The following RBFOX1 variants were observed in gnomAD, a reference collection of about 807,000 sequenced individuals.
RBFOX1 encodes the protein RNA binding protein fox-1 homolog 1.
RBFOX1 carries 8 observed loss-of-function variants against 57.7 expected under a neutral mutation model. The observed-to-expected ratio is 0.14, with a 90% CI of 0.08 to 0.25. The LOEUF is 0.25. RBFOX1 is among the 10% of genes least tolerant of loss of function. The pLI is 1.00. For synonymous variants in RBFOX1, 326 were observed against 222.4 expected (o/e 1.47, Z -4.15); for missense variants, 611 against 548.5 (o/e 1.11, Z -1.14).
chr16:6,855,853 C>T (rs4131914), intron 3 of RBFOX1, among the ~76,000 whole-genome samples: 2,740 of 148,816 alleles, frequency 0.018, 102 homozygotes, highest in African/African-American at 0.065. Context: ...CTCTTTCCCT[C>T]CCTTCCTTTC....
intron 4 of RBFOX1, among the ~76,000 whole-genome samples, chr16:7,337,065 A>C (rs1014972056): frequency 1.3e-5 from 2 of 152,166 alleles, no homozygotes; most frequent in Non-Finnish European, 2.9e-5. Context: ...GGTGACTCCA[A>C]CGGGTCTTAG....
At chr16:7,060,311 A>T (rs1424869839) in intron 4 of RBFOX1, among the ~76,000 whole-genome samples, 1 of 152,198 alleles carries the variant, frequency 6.6e-6, no homozygotes, top group Non-Finnish European at 1.5e-5. Flanking sequence ...CCTGCTGGTG[A>T]CTGAAATGTT....
exon 3 of RBFOX1, chr16:5,599,755 G>T (rs554159582): frequency 6.5e-6 from 1 of 153,566 alleles, no homozygotes; most frequent in African/African-American, 2.4e-5. Flanking sequence ...TTAACATAAA[G>T]TGAGTTGACT....
intron 11 of RBFOX1, among the ~76,000 whole-genome samples, chr16:7,647,254 G>A (rs2063929962): frequency 2.0e-5 from 3 of 152,336 alleles, no homozygotes; most frequent in Admixed American, 1.3e-4. Flanking sequence ...GTGTCAACAA[G>A]ATGCTCAATT....
At chr16:7,692,205 G>A (rs566776413) in intron 14 of RBFOX1, among the ~76,000 whole-genome samples, 17 of 152,154 alleles carry the variant, frequency 1.1e-4, no homozygotes, top group African/African-American at 3.9e-4. Context: ...TGTTATGTAG[G>A]AGAAAAGTAC....
intron 3 of RBFOX1, among the ~76,000 whole-genome samples, chr16:6,878,593 T>G (rs780210474): frequency 2.0e-4 from 30 of 152,150 alleles, no homozygotes; most frequent in Admixed American, 3.9e-4. Flanking sequence ...ACACATGCAG[T>G]GTCCTCATGT....
intron 10 of RBFOX1, among the ~76,000 whole-genome samples, chr16:7,613,912 T>C (rs2057995406): frequency 6.6e-6 from 1 of 152,198 alleles, no homozygotes; most frequent in Non-Finnish European, 1.5e-5. Flanking sequence ...TTTATTCAGA[T>C]TGGCATTGGG....
At position 6,712,896 on chromosome 16, in the gene RBFOX1, T is replaced by G. The variant is rs868189406; in HGVS notation, c.-16+58246T>G. On this transcript the variant is annotated intron_variant, in intron 3 of 15. Coordinates refer to ENST00000550418, the MANE Select transcript of RBFOX1 (RefSeq NM_018723.4). ...AATCATGGGGGTGTTTTTTTTTTTT[T>G]TTTTTTTTTTTTCCTGTGCTGTTCT... is the stretch of plus-strand genomic sequence containing the variant. Among the ~76,000 whole-genome samples the G allele has an allele frequency of 7.2e-5, 9 of 125,504 alleles. No homozygotes were observed. In the South Asian group the frequency reaches 1.2e-3, roughly 17 times the overall value. 82.3% of individuals were successfully genotyped at this position (125,504 alleles called of 152,430 possible).
At chr16:6,884,071 GC>G (rs1057073662) in intron 3 of RBFOX1, among the ~76,000 whole-genome samples, 4 of 152,142 alleles carry the variant, frequency 2.6e-5, no homozygotes, top group African/African-American at 9.7e-5. Flanking sequence ...CAGAGCGGTG[GC>G]TGCTGTGTTA....
At chr16:6,154,196 C>T (rs2096822981) in intron 1 of RBFOX1, among the ~76,000 whole-genome samples, 1 of 152,214 alleles carries the variant, frequency 6.6e-6, no homozygotes, top group Non-Finnish European at 1.5e-5. Flanking sequence ...ACTTGGTCAT[C>T]TGCAAAATGG....
chr16:7,515,928 T>G (rs1007304333), intron 4 of RBFOX1, among the ~76,000 whole-genome samples: 11 of 152,132 alleles, frequency 7.2e-5, no homozygotes, highest in African/African-American at 2.7e-4. Context: ...CACTGCAACT[T>G]CCACCTCCCA....
chr16:7,056,096 G>C (rs1331249846), intron 4 of RBFOX1, among the ~76,000 whole-genome samples: 1 of 152,110 alleles, frequency 6.6e-6, no homozygotes, highest in African/African-American at 2.4e-5. Context: ...CTCAGCATTA[G>C]GTGTGGGCAG....
intron 3 of RBFOX1, among the ~76,000 whole-genome samples, chr16:5,636,782 T>C (rs574790851): frequency 2.0e-5 from 3 of 152,350 alleles, no homozygotes; most frequent in East Asian, 1.9e-4. Flanking sequence ...TTGTTTTTAT[T>C]TTCAAATGGG....
intron 1 of RBFOX1, among the ~76,000 whole-genome samples, chr16:5,254,366 T>G (rs1389514243): frequency 6.6e-6 from 1 of 152,176 alleles, no homozygotes; most frequent in Non-Finnish European, 1.5e-5. Context: ...TAGAAGATGG[T>G]GTCAGGAACA....
intron 2 of RBFOX1, among the ~76,000 whole-genome samples, chr16:6,436,270 G>A (rs958619452): frequency 6.6e-6 from 1 of 152,200 alleles, no homozygotes; most frequent in Non-Finnish European, 1.5e-5. Flanking sequence ...TGGTAATGCA[G>A]TATCTTGAAT....
Position 6,404,730 on chromosome 16 carries a change from T to C in RBFOX1, c.-64+87673T>C, listed in dbSNP as rs183397898. 3.4e-4 allele frequency among the ~76,000 whole-genome samples: 52 copies of C among 152,278 alleles called. No individual in the cohort carries two copies. The East Asian group carries it at 7.9e-3, about 23-fold the overall frequency. ...CTTTTGCTGTTCCCAGATTCTTTCC[T>C]GAGCTGAAGATCTCAGCTCCCTTAT... On this transcript the variant is annotated intron_variant, in intron 2 of 15. Transcript: ENST00000550418.
At chr16:7,086,644 A>G (rs79955633) in intron 4 of RBFOX1, among the ~76,000 whole-genome samples, 4,215 of 152,094 alleles carry the variant, frequency 0.028, 195 homozygotes, top group African/African-American at 0.096. Flanking sequence ...AGGAGAGCCT[A>G]TTGAAACGAT....
chr16:5,281,075 A>G (rs1462437956), intron 1 of RBFOX1, among the ~76,000 whole-genome samples: 1 of 152,128 alleles, frequency 6.6e-6, no homozygotes, highest in African/African-American at 2.4e-5. Flanking sequence ...ATTTATTGCT[A>G]TAAACTTCCC....
chr16:7,292,288 C>CATATATG (rs1288498828), intron 4 of RBFOX1, among the ~76,000 whole-genome samples: 1 of 119,652 alleles, frequency 8.4e-6, no homozygotes, highest in Non-Finnish European at 1.6e-5. Context: ...TATCATATAT[C>CATATATG]ATATATGATA....
Sources: gnomAD v4.1 joint callset for allele counts (sites outside exome capture counted in the v4.1 genomes callset) on GRCh38, gnomAD v4.1.1 for gene constraint, MANE v1.5 for transcripts, NCBI Gene and HGNC (gene_info 2026-07-23, HGNC 2026-07-21) for gene names.